Variants in FAR2 observed in about 807,000 individuals in gnomAD.
The protein encoded by FAR2 is epididymis secretory protein Li 81.
FAR2 carries 19 observed loss-of-function variants against 56.0 expected under a neutral mutation model. The observed-to-expected ratio is 0.34, with a 90% CI of 0.24 to 0.50. The LOEUF (loss-of-function observed/expected upper bound fraction) is 0.50, where lower values mean the gene tolerates loss of function less well. Ranked by LOEUF, FAR2 falls within the 20% of genes least tolerant of loss-of-function variation. The probability of loss-of-function intolerance (pLI) is 0.98; values close to 1 mark genes in which losing one functional copy is unlikely to be tolerated. For missense variants in FAR2, 508 were observed against 642.2 expected, an observed-to-expected ratio of 0.79 and a Z score of 2.26; for synonymous variants, 219 against 218.8, an observed-to-expected ratio of 1.00 and a Z score of -0.01.
rs1000673269 is a variant in FAR2 at position 29,334,466 on chromosome 12, C to A, written c.*672C>A. On this transcript the variant is annotated 3_prime_UTR_variant, in exon 12 of 12. Transcript: ENST00000536681. ...ATTAAGCATATTTGCATTGGGGACTCGTGTATTATGCTTTTAAGTCAAAAT... is the reference window on the plus strand; with the variant it reads ...ATTAAGCATATTTGCATTGGGGACTAGTGTATTATGCTTTTAAGTCAAAAT... 6.6e-6 allele frequency: 1 copy of A among 152,062 alleles called. No individual in the cohort carries two copies. Among genetic ancestry groups the A allele is most frequent in the African/African-American group, 2.4e-5 (1 of 41,412 alleles). The allele number at this position is 152,062 out of a possible 1,614,324, so 9.4% of individuals were successfully genotyped here. A position where few individuals can be genotyped will look rare whatever the true frequency, so the allele number is the denominator to read the frequency against.
intron 1 of FAR2, among the ~76,000 whole-genome samples, chr12:29,231,029 T>G (rs943049109): frequency 2.0e-5 from 3 of 152,162 alleles, no homozygotes; most frequent in African/African-American, 7.2e-5. Flanking sequence ...CAGACTACAC[T>G]GGCCTTGGGG....
Position 29,253,207 on chromosome 12 carries a change from G to GATATATCGA in FAR2, c.-38-17205_-38-17204insATATATCGA, listed in dbSNP as rs1565489252. Among the ~76,000 whole-genome samples the GATATATCGA allele has an allele frequency of 1.5e-4, 13 of 84,048 alleles. 1 individual carries two copies. The highest frequency in any genetic ancestry group is 5.9e-4 in the African/African-American group (11 of 18,710). 55.1% of individuals were successfully genotyped at this position (84,048 alleles called of 152,430 possible). A position where few individuals can be genotyped will look rare whatever the true frequency, so the allele number is the denominator to read the frequency against. ...TCTCTCTATCTATCTATCTAGATAG[G>GATATATCGA]TATCTATATATCGATATCTATCTAG... On this transcript the variant is annotated intron_variant, in intron 1 of 11. Transcript: ENST00000536681.
intron 9 of FAR2, among the ~76,000 whole-genome samples, chr12:29,320,405 G>T (rs553135074): frequency 1.3e-5 from 2 of 152,278 alleles, no homozygotes; most frequent in African/African-American, 4.8e-5. Flanking sequence ...ATAGTAAAGT[G>T]GAACCCTATT....
intron 1 of FAR2, among the ~76,000 whole-genome samples, chr12:29,192,814 T>C (rs1319331949): frequency 6.6e-6 from 1 of 152,198 alleles, no homozygotes; most frequent in African/African-American, 2.4e-5. Flanking sequence ...TAACAGTTCA[T>C]GAAGCACAGG....
chr12:29,159,320 T>C (rs1735972124), intron 1 of FAR2, among the ~76,000 whole-genome samples: 2 of 151,954 alleles, frequency 1.3e-5, no homozygotes, highest in Admixed American at 6.6e-5. Flanking sequence ...GGGCGGATCA[T>C]GAGGTCAGGA....
intron 1 of FAR2, among the ~76,000 whole-genome samples, chr12:29,199,410 C>T (rs11050118): frequency 0.07 from 10,565 of 150,806 alleles, 491 homozygotes; most frequent in East Asian, 0.15. Context: ...CCATCCTGGC[C>T]AACATGGTGA....
intron 1 of FAR2, among the ~76,000 whole-genome samples, chr12:29,199,564 C>T (rs1373091510): frequency 2.0e-5 from 3 of 147,038 alleles, no homozygotes; most frequent in Admixed American, 6.9e-5. Flanking sequence ...CGCTCCACTG[C>T]GCTCCAGCCT....
chr12:29,152,234 G>T (rs1284066111), intron 1 of FAR2, among the ~76,000 whole-genome samples: 1 of 152,174 alleles, frequency 6.6e-6, no homozygotes, highest in East Asian at 1.9e-4. Flanking sequence ...TTTTGAGGGG[G>T]TAATCCTTTT....
At chr12:29,228,494 A>AT (rs1449971768) in intron 1 of FAR2, among the ~76,000 whole-genome samples, 1 of 152,210 alleles carries the variant, frequency 6.6e-6, no homozygotes, top group Non-Finnish European at 1.5e-5. Context: ...ATTCATTCAA[A>AT]TTTGCTTTCA....
At chr12:29,274,314 A>G (rs1313637992) in intron 2 of FAR2, among the ~76,000 whole-genome samples, 7 of 150,058 alleles carry the variant, frequency 4.7e-5, no homozygotes, top group African/African-American at 1.7e-4. Flanking sequence ...TGTCCTTGTG[A>G]TAGTTTGCTG....
At chr12:29,233,267 G>A (rs1243364384) in intron 1 of FAR2, among the ~76,000 whole-genome samples, 2 of 152,100 alleles carry the variant, frequency 1.3e-5, no homozygotes, top group Admixed American at 6.6e-5. Flanking sequence ...GCACAGCTGT[G>A]GAAGATTACA....
At chr12:29,230,622 A>G (rs1366205728) in intron 1 of FAR2, among the ~76,000 whole-genome samples, 4 of 152,010 alleles carry the variant, frequency 2.6e-5, no homozygotes, top group African/African-American at 9.7e-5. Flanking sequence ...ATTTACAATA[A>G]TGGTTTGGAC....
intron 1 of FAR2, among the ~76,000 whole-genome samples, chr12:29,193,381 C>G (rs1950118154): frequency 6.6e-6 from 1 of 152,128 alleles, no homozygotes; most frequent in African/African-American, 2.4e-5. Context: ...CCCTAAAAAT[C>G]CTCTGTGCTC....
At chr12:29,263,516 C>A (rs549160611) in intron 1 of FAR2, among the ~76,000 whole-genome samples, 1 of 152,012 alleles carries the variant, frequency 6.6e-6, no homozygotes, top group East Asian at 1.9e-4. Flanking sequence ...ACTATACAAA[C>A]ACATAGAAAT....
intron 1 of FAR2, among the ~76,000 whole-genome samples, chr12:29,176,710 T>C (rs768588459): frequency 2.0e-5 from 3 of 152,214 alleles, no homozygotes; most frequent in Non-Finnish European, 4.4e-5. Context: ...TGTGAATGTG[T>C]TAAACTTGCC....
intron 1 of FAR2, among the ~76,000 whole-genome samples, chr12:29,243,838 A>G (rs895629402): frequency 1.3e-4 from 19 of 151,920 alleles, no homozygotes; most frequent in African/African-American, 4.6e-4. Context: ...TTCTTGGAAT[A>G]TCAATGAGTT....
At chr12:29,327,413 C>T (rs2136823984) in intron 10 of FAR2, among the ~76,000 whole-genome samples, 1 of 152,234 alleles carries the variant, frequency 6.6e-6, no homozygotes, top group East Asian at 1.9e-4. Context: ...CTTTAAAGTT[C>T]ATATGGAACC....
intron 1 of FAR2, among the ~76,000 whole-genome samples, chr12:29,229,777 C>CA (rs916215166): frequency 6.6e-6 from 1 of 151,228 alleles, no homozygotes; most frequent in Admixed American, 6.6e-5. Context: ...TAAGTGGTCA[C>CA]AAAAAAAGAG....
At chr12:29,258,246 T>TC (rs1279973389) in intron 1 of FAR2, among the ~76,000 whole-genome samples, 2 of 150,896 alleles carry the variant, frequency 1.3e-5, no homozygotes, top group African/African-American at 4.9e-5. Context: ...TCCCAGCTAC[T>TC]CGGGAGGCTG....
Sources: gnomAD v4.1 joint callset for allele counts (sites outside exome capture counted in the v4.1 genomes callset) on GRCh38, gnomAD v4.1.1 for gene constraint, MANE v1.5 for transcripts, NCBI Gene and HGNC (gene_info 2026-07-23, HGNC 2026-07-21) for gene names.